PCDHGA1: variants seen among roughly 807,000 people sequenced by gnomAD.
PCDHGA1 encodes protocadherin gamma-A1.
In PCDHGA1, 32 loss-of-function variants were observed where a neutral mutation model predicts 58.0. That is an observed-to-expected ratio of 0.55 (90% CI 0.42 to 0.74). The LOEUF is 0.74. Ranked by LOEUF, PCDHGA1 falls within the 30% of genes least tolerant of loss-of-function variation. PCDHGA1 has a pLI of 0.00. For missense variants in PCDHGA1, 1,205 were observed against 1,182.3 expected (o/e 1.02, Z -0.28); for synonymous variants, 498 against 501.1 (o/e 0.99, Z 0.08).
chr5:141,389,249 T>A, intron 1 of PCDHGA1: 1 of 1,614,064 alleles, frequency 6.2e-7, no homozygotes, highest in Non-Finnish European at 8.5e-7. Flanking sequence ...AGTCTTCCTA[T>A]ATAGTCCACG....
At position 141,413,736 on chromosome 5, in the gene PCDHGA1, G is replaced by A. The variant is rs189162146; in HGVS notation, c.2421+80631G>A. The A allele has an allele frequency of 1.9e-4, 309 of 1,613,452 alleles. No individual in the cohort carries two copies. In the African/African-American group the frequency reaches 3.0e-3, roughly 16 times the overall value. On this transcript the variant is annotated intron_variant, in intron 1 of 3. Coordinates refer to ENST00000517417, the MANE Select transcript of PCDHGA1 (RefSeq NM_018912.3). Reference sequence around the variant, plus strand: ...ATAAGCACTTCTCCCTAAGAGTTCAGAGCCGTGCCAATGGCGTCAAGTACC... The same window carrying A: ...ATAAGCACTTCTCCCTAAGAGTTCAAAGCCGTGCCAATGGCGTCAAGTACC...
At chr5:141,373,405 C>A (rs1435253016) in intron 1 of PCDHGA1, among the ~76,000 whole-genome samples, 1 of 152,208 alleles carries the variant, frequency 6.6e-6, no homozygotes, top group Non-Finnish European at 1.5e-5. Context: ...TGCCTGTAGT[C>A]CCAGCTACTC....
chr5:141,366,006 C>A lies in PCDHGA1; in HGVS notation c.2421+32901C>A, dbSNP rs760966863. The A allele has an allele frequency of 4.3e-6, 7 of 1,614,122 alleles. No homozygotes were observed. The highest frequency in any genetic ancestry group is 5.9e-6 in the Non-Finnish European group (7 of 1,180,046). On this transcript the variant is annotated intron_variant, in intron 1 of 3. Transcript: ENST00000517417. Reference sequence around the variant, plus strand: ...TTTGTGCTGGACCAGAACGACAATACGCCTGAGATCCTGTACCCCGCCCTC... The same window carrying A: ...TTTGTGCTGGACCAGAACGACAATAAGCCTGAGATCCTGTACCCCGCCCTC...
chr5:141,361,456 C>A (rs529112132), intron 1 of PCDHGA1: 1 of 1,613,916 alleles, frequency 6.2e-7, no homozygotes, highest in African/African-American at 1.3e-5. Context: ...TGTCACCCTG[C>A]ACATCTCCGA....
chr5:141,451,428 G>T (rs552096051), intron 1 of PCDHGA1, among the ~76,000 whole-genome samples: 17 of 152,166 alleles, frequency 1.1e-4, no homozygotes, highest in Non-Finnish European at 2.1e-4. Context: ...TTAGACTAAG[G>T]GTTCCAGTTC....
intron 1 of PCDHGA1, chr5:141,419,367 C>T (rs1157934416): frequency 6.2e-7 from 1 of 1,613,652 alleles, no homozygotes; most frequent in Admixed American, 1.7e-5. Context: ...ACGCTGTCGT[C>T]CTACGTGTCC....
intron 1 of PCDHGA1, chr5:141,413,677 G>T (rs539552615): frequency 6.2e-7 from 1 of 1,613,794 alleles, no homozygotes; most frequent in East Asian, 2.2e-5. Flanking sequence ...GGATGTGGGC[G>T]TGAACTCCCT....
chr5:141,345,444 A>G (rs200227313), intron 1 of PCDHGA1: 251 of 1,613,892 alleles, frequency 1.6e-4, no homozygotes, highest in Non-Finnish European at 4.0e-5. Context: ...AGGAGCCTCC[A>G]TCTTCTCAGT....
At chr5:141,348,137 A>G (rs1000544718) in intron 1 of PCDHGA1, among the ~76,000 whole-genome samples, 1 of 152,268 alleles carries the variant, frequency 6.6e-6, no homozygotes, top group African/African-American at 2.4e-5. Context: ...TCATGAAATC[A>G]TATGAGAGTT....
At chr5:141,357,143 A>T (rs1650899741) in intron 1 of PCDHGA1, 1 of 1,613,420 alleles carries the variant, frequency 6.2e-7, no homozygotes, top group South Asian at 1.1e-5. Flanking sequence ...GTCGTCCAGG[A>T]CCATGGCCAG....
chr5:141,345,752 T>C (rs768879399), intron 1 of PCDHGA1: 11 of 1,614,050 alleles, frequency 6.8e-6, no homozygotes, highest in African/African-American at 2.7e-5. Flanking sequence ...ACGGTTCCAC[T>C]GGCGTGGAGC....
intron 1 of PCDHGA1, chr5:141,419,710 C>T: frequency 6.2e-7 from 1 of 1,613,168 alleles, no homozygotes; most frequent in South Asian, 1.1e-5. Context: ...CCGGGCTCTT[C>T]AGCCTGGGGC....
chr5:141,463,764 G>A (rs2099069094), intron 1 of PCDHGA1, among the ~76,000 whole-genome samples: 1 of 151,916 alleles, frequency 6.6e-6, no homozygotes. Flanking sequence ...TTCTCTTATG[G>A]GTTAGAATCC....
intron 1 of PCDHGA1, chr5:141,374,661 A>G: frequency 6.2e-7 from 1 of 1,611,830 alleles, no homozygotes; most frequent in Non-Finnish European, 8.5e-7. Context: ...AAGTACCCGG[A>G]GCTGGTGCTG....
At chr5:141,450,445 T>C (rs1490338949) in intron 1 of PCDHGA1, among the ~76,000 whole-genome samples, 1 of 152,168 alleles carries the variant, frequency 6.6e-6, no homozygotes, top group East Asian at 1.9e-4. Context: ...ATTTGTTTTA[T>C]GTTTCCTCGT....
chr5:141,369,142 G>A (rs1302830150), intron 1 of PCDHGA1, among the ~76,000 whole-genome samples: 1 of 152,140 alleles, frequency 6.6e-6, no homozygotes, highest in Non-Finnish European at 1.5e-5. Context: ...ATGGAAAATG[G>A]CATGTTATTG....
In PCDHGA1 at chr5:141,356,785, C is replaced by A. The variant is rs377527999; in HGVS notation, c.2421+23680C>A. 55 of 1,613,962 alleles carry A rather than the reference C, an allele frequency of 3.4e-5. No individual in the cohort carries two copies. The highest frequency in any genetic ancestry group is 6.7e-5 in the Admixed American group (4 of 60,030). On this transcript the variant is annotated intron_variant, in intron 1 of 3. Transcript: ENST00000517417. The stretch of plus-strand genomic sequence containing the variant: ...CGACTATGAGCAGTTTAGAGACCTG[C>A]AGCTGCTGATGACAGCCAGTGACAG...
chr5:141,468,847 C>T (rs2099182933), intron 1 of PCDHGA1, among the ~76,000 whole-genome samples: 1 of 151,986 alleles, frequency 6.6e-6, no homozygotes, highest in African/African-American at 2.4e-5. Flanking sequence ...GCCTGGGCAA[C>T]AGAGCGAGAC....
At chr5:141,403,105 C>T in intron 1 of PCDHGA1, 1 of 1,614,056 alleles carries the variant, frequency 6.2e-7, no homozygotes. Flanking sequence ...TCTCCAAGGA[C>T]CTGGCTCTGG....
Sources: gnomAD v4.1 joint callset for allele counts (sites outside exome capture counted in the v4.1 genomes callset) on GRCh38, gnomAD v4.1.1 for gene constraint, MANE v1.5 for transcripts, NCBI Gene and HGNC (gene_info 2026-07-23, HGNC 2026-07-21) for gene names.